Variants in HEPACAM2 observed in about 807,000 individuals in gnomAD.
HEPACAM2 encodes the protein mitotic kinetics regulator.
Under a neutral mutation model 49.6 loss-of-function variants are expected in HEPACAM2, and 49 were observed. The ratio of observed to expected loss-of-function variants is 0.99; its 90% CI spans 0.78 to 1.25. The LOEUF is 1.25. Ranked by LOEUF, HEPACAM2 falls within the 50% of genes most tolerant of loss-of-function variation. The pLI, the probability that HEPACAM2 is intolerant of heterozygous loss-of-function variation, is 0.00. For synonymous variants in HEPACAM2, 197 were observed against 202.9 expected, an observed-to-expected ratio of 0.97 and a Z score of 0.25; for missense variants, 525 against 557.2, an observed-to-expected ratio of 0.94 and a Z score of 0.58.
intron 8 of HEPACAM2, among the ~76,000 whole-genome samples, chr7:93,192,838 A>G (rs200342856): frequency 6.6e-5 from 10 of 152,228 alleles, no homozygotes; most frequent in East Asian, 3.9e-4. Flanking sequence ...TAAAGACAGT[A>G]CCAAGGAATG....
At chr7:93,192,223 A>G (rs1793567699) in intron 9 of HEPACAM2, 31 bp downstream of exon 9, 1 of 1,504,050 alleles carries the variant, frequency 6.6e-7, no homozygotes, top group Admixed American at 1.7e-5. Context: ...TAGCCTCTCC[A>G]TAGCACCATC....
chr7:93,196,347 C>T (rs1029774849), intron 7 of HEPACAM2, among the ~76,000 whole-genome samples: 1 of 152,134 alleles, frequency 6.6e-6, no homozygotes, highest in Non-Finnish European at 1.5e-5. Context: ...CTAACTGAAG[C>T]TTCCCATACA....
In HEPACAM2 at chr7:93,215,287, A is replaced by G. The variant is rs1049725098; in HGVS notation, c.715+114T>C. The G allele has an allele frequency of 9.9e-6, 9 of 908,434 alleles. No individual in the cohort carries two copies. In the Admixed American group the frequency reaches 1.5e-4, roughly 15 times the overall value. The allele number at this position is 908,434 out of a possible 1,614,324, so 56.3% of individuals were successfully genotyped here. A position where few individuals can be genotyped will look rare whatever the true frequency, so the allele number is the denominator to read the frequency against. On this transcript the variant is annotated intron_variant, in intron 3 of 9. Transcript: ENST00000394468. ...GTGTGATTAGAACTATTGAACTACAATAATGGTAAAAAGCCAAATGACATC... is the reference window on the plus strand; with the variant it reads ...GTGTGATTAGAACTATTGAACTACAGTAATGGTAAAAAGCCAAATGACATC...
intron 3 of HEPACAM2, among the ~76,000 whole-genome samples, chr7:93,213,677 G>A (rs1794234631): frequency 2.0e-5 from 3 of 152,096 alleles, no homozygotes; most frequent in Non-Finnish European, 4.4e-5. Flanking sequence ...GATGAAGAAT[G>A]CAGAACTCTG....
At chr7:93,232,113 T>C in the HEPACAM2 span, among the ~76,000 whole-genome samples, 2 of 152,208 alleles carry the variant, frequency 1.3e-5, no homozygotes, top group African/African-American at 4.8e-5. Context: ...TAGTCACCTG[T>C]GACTTAGGTT....
In HEPACAM2 at chr7:93,226,356, A is replaced by C. The variant is rs748760373; in HGVS notation, c.79+12T>G. ...AACAAACAGCTAAAACACAATTCACACAGGGCCTTACCGAAGAGAAGGAGG... is the reference window on the plus strand; with the variant it reads ...AACAAACAGCTAAAACACAATTCACCCAGGGCCTTACCGAAGAGAAGGAGG... On this transcript the variant is annotated intron_variant, in intron 1 of 9. Transcript: ENST00000394468. The C allele has an allele frequency of 1.3e-5, 21 of 1,597,938 alleles. 1 individual carries two copies. In the South Asian group the frequency reaches 1.9e-4, roughly 14 times the overall value.
intron 4 of HEPACAM2, among the ~76,000 whole-genome samples, chr7:93,202,446 T>TC (rs1793919890): frequency 6.6e-6 from 1 of 152,068 alleles, no homozygotes; most frequent in Non-Finnish European, 1.5e-5. Flanking sequence ...CAACTTTTTT[T>TC]CTGTTAATCT....
At chr7:93,195,418 G>GT (rs1793686056) in intron 8 of HEPACAM2, among the ~76,000 whole-genome samples, 1 of 151,864 alleles carries the variant, frequency 6.6e-6, no homozygotes, top group South Asian at 2.1e-4. Flanking sequence ...TTGGGATGGG[G>GT]TCTTTGCCCA....
intron 4 of HEPACAM2, among the ~76,000 whole-genome samples, chr7:93,201,310 C>T (rs1793877026): frequency 6.6e-6 from 1 of 151,936 alleles, no homozygotes; most frequent in East Asian, 1.9e-4. Context: ...CGCACTAAGA[C>T]CTAGTATGAT....
At chr7:93,215,863 A>G (rs1193539414) in intron 2 of HEPACAM2, among the ~76,000 whole-genome samples, 178 bp from the exon 3 acceptor site, 2 of 152,138 alleles carry the variant, frequency 1.3e-5, no homozygotes, top group African/African-American at 4.8e-5. Flanking sequence ...GGGAAAATGC[A>G]AAATGACAAA....
At chr7:93,226,809 G>T (rs1794549822), upstream of HEPACAM2, among the ~76,000 whole-genome samples, 1 of 151,948 alleles carries the variant, frequency 6.6e-6, no homozygotes, top group African/African-American at 2.4e-5. Flanking sequence ...AAAAACAAAA[G>T]CTGGTTTTCT....
chr7:93,191,973 T>TG (rs944885264), intron 9 of HEPACAM2, among the ~76,000 whole-genome samples: 2 of 152,088 alleles, frequency 1.3e-5, no homozygotes, highest in Admixed American at 6.6e-5. Context: ...GTGGATTCCT[T>TG]GGGGAAATAT....
intron 4 of HEPACAM2, 67 bp downstream of exon 4, chr7:93,208,512 TA>T (rs1362059260): frequency 2.4e-5 from 32 of 1,314,630 alleles, no homozygotes; most frequent in Non-Finnish European, 3.3e-5. Flanking sequence ...AGGTATAAGA[TA>T]GGGGAAGTGC....
At chr7:93,194,124 A>C (rs1442221371) in intron 8 of HEPACAM2, among the ~76,000 whole-genome samples, 2 of 152,158 alleles carry the variant, frequency 1.3e-5, no homozygotes, top group Non-Finnish European at 2.9e-5. Context: ...ATGTAATTAA[A>C]GCCCCTATTT....
Position 93,215,499 on chromosome 7 carries a change from A to G in HEPACAM2, c.617T>C (p.Ile206Thr), listed in dbSNP as rs199583781. 1 of 1,613,904 alleles carries G rather than the reference A, an allele frequency of 6.2e-7. No individual in the cohort carries two copies. The highest frequency in any genetic ancestry group is 1.3e-5 in the African/African-American group (1 of 75,032). The change falls in exon 3 of 10, where the codon ATT becomes ACT. Residue 206 changes from isoleucine (I) to threonine (T), a missense_variant. Coordinates refer to ENST00000394468, the MANE Select transcript of HEPACAM2 (RefSeq NM_001039372.4). ...AATGTCTTCCTTGGTTACTGGAGCA[A>G]TATGAAGGGTATTGTTTTGGGGAGA... is the stretch of plus-strand genomic sequence containing the variant. ...SFSPQNNTLH[I>T]APVTKEDIGN...
At chr7:93,207,244 C>A (rs968030847) in intron 4 of HEPACAM2, among the ~76,000 whole-genome samples, 1 of 152,080 alleles carries the variant, frequency 6.6e-6, no homozygotes, top group African/African-American at 2.4e-5. Context: ...AAAGAGAAGG[C>A]ATCAATAGAA....
At position 93,214,410 on chromosome 7, in the gene HEPACAM2, C is replaced by A. The variant is rs1036104207; in HGVS notation, c.715+991G>T. On this transcript the variant is annotated intron_variant, in intron 3 of 9. Transcript: ENST00000394468. ...CATCTTTACAATGTGTAAATGGAAG[C>A]CACATTTGTAAATTGTCTAAATGTT... Among the ~76,000 whole-genome samples the A allele has an allele frequency of 5.3e-5, 8 of 152,200 alleles. No homozygotes were observed. The South Asian group carries it at 1.7e-3, about 32-fold the overall frequency.
intron 1 of HEPACAM2, 126 bp downstream of exon 1, chr7:93,226,242 A>T: frequency 1.5e-6 from 1 of 651,050 alleles, no homozygotes; most frequent in South Asian, 2.0e-5. Flanking sequence ...TATTGTTAAA[A>T]GGTTCTGACC....
At chr7:93,217,387 T>C (rs1794330345) in intron 2 of HEPACAM2, among the ~76,000 whole-genome samples, 1 of 152,194 alleles carries the variant, frequency 6.6e-6, no homozygotes, top group Admixed American at 6.5e-5. Flanking sequence ...CCTAAAACCC[T>C]ATTCAGGCTT....
Sources: allele counts gnomAD v4.1 joint callset (sites outside exome capture counted in the v4.1 genomes callset), GRCh38; gene constraint gnomAD v4.1.1; transcripts MANE v1.5; gene names NCBI Gene and HGNC (gene_info 2026-07-23, HGNC 2026-07-21).